RAN: variants seen among roughly 807,000 people sequenced by gnomAD.
RAN encodes the protein RAN, member RAS oncogene family, also known as GTP-binding nuclear protein Ran.
Under a neutral mutation model 26.8 loss-of-function variants are expected in RAN, and 2 were observed. That is an observed-to-expected ratio of 0.07 (90% CI 0.03 to 0.23). The LOEUF is 0.23. RAN is among the 10% of genes least tolerant of loss of function. RAN has a pLI of 1.00. For missense variants in RAN, 56 were observed against 264.8 expected, an observed-to-expected ratio of 0.21 and a Z score of 5.47; for synonymous variants, 132 against 95.9, an observed-to-expected ratio of 1.38 and a Z score of -2.20.
Position 130,875,738 on chromosome 12 carries a change from G to A in RAN, c.562G>A (p.Val188Ile), listed in dbSNP as rs201928609. ...AMPALAPPEVVMDPALAAQYE... is the reference protein window; with the variant it reads ...AMPALAPPEVIMDPALAAQYE... ...GCCTGCTCTCGCCCCACCAGAAGTT[G>A]TCATGGACCCAGCTTTGGCAGCACA... Residue 188 changes from valine (V) to isoleucine (I), a missense_variant, in exon 6 of 7, where the codon GTC becomes ATC. Transcript: ENST00000543796. The A allele has an allele frequency of 2.7e-5, 43 of 1,614,008 alleles. No homozygotes were observed. Among genetic ancestry groups the A allele is most frequent in the Non-Finnish European group, 3.2e-5 (38 of 1,180,028 alleles).
intron 4 of RAN, chr12:130,873,492 A>G (rs571256171): frequency 4.0e-6 from 1 of 249,748 alleles, no homozygotes; most frequent in East Asian, 1.0e-4. Flanking sequence ...AGAAAACAAT[A>G]AACACCAGAT....
Position 130,872,745 on chromosome 12 carries a change from A to G in RAN, c.37-91A>G, listed in dbSNP as rs1953163043. 4.4e-6 allele frequency: 7 copies of G among 1,575,786 alleles called. No homozygotes were observed. The South Asian group carries it at 6.7e-5, about 15-fold the overall frequency. On this transcript the variant is annotated intron_variant, in intron 2 of 6. Transcript: ENST00000543796. ...GCCCCGCATCCACATTCTTTGTTTT[A>G]AGTGAGCCTGTGGTGGTTAAAGTTC...
Position 130,874,006 on chromosome 12 carries a change from C to T in RAN, c.248-540C>T. The T allele has an allele frequency of 5.1e-6, 2 of 388,386 alleles. 1 individual carries two copies. The highest frequency in any genetic ancestry group is 1.0e-5 in the Non-Finnish European group (2 of 190,910). 24.1% of individuals were successfully genotyped at this position (388,386 alleles called of 1,614,324 possible). A position where few individuals can be genotyped will look rare whatever the true frequency, so the allele number is the denominator to read the frequency against. ...TGGACTATAGGCACGTGCCACTATGCCTGACTAATTTTTGTATTTTTTTGT... is the reference window on the plus strand; with the variant it reads ...TGGACTATAGGCACGTGCCACTATGTCTGACTAATTTTTGTATTTTTTTGT... On this transcript the variant is annotated intron_variant, in intron 4 of 6. Transcript: ENST00000543796.
At position 130,875,623 on chromosome 12, in the gene RAN, T is replaced by G; in HGVS notation, c.447T>G (p.Ile149Met). Reference sequence around the variant, plus strand: ...TTTCTTTTAAACAGTACTACGACATTTCTGCCAAAAGTAACTACAACTTTG... The same window carrying G: ...TTTCTTTTAAACAGTACTACGACATGTCTGCCAAAAGTAACTACAACTTTG... ...HRKKNLQYYD[I>M]SAKSNYNFEK... The change falls in exon 6 of 7, where the codon ATT (isoleucine) becomes ATG (methionine). Residue 149 changes from isoleucine (I) to methionine (M), a missense_variant. Coordinates refer to ENST00000543796, the MANE Select transcript of RAN (RefSeq NM_006325.5). 6.2e-7 allele frequency: 1 copy of G among 1,604,074 alleles called. No homozygotes were observed. The highest frequency in any genetic ancestry group is 8.5e-7 in the Non-Finnish European group (1 of 1,176,764).
At position 130,872,566 on chromosome 12, in the gene RAN, C is replaced by T. The variant is rs1003362481; in HGVS notation, c.-10-18C>T. 1.1e-5 allele frequency: 17 copies of T among 1,490,500 alleles called. No homozygotes were observed. Among genetic ancestry groups the T allele is most frequent in the African/African-American group, 4.3e-5 (3 of 70,276 alleles). The allele number at this position is 1,490,500 out of a possible 1,614,324, so 92.3% of individuals were successfully genotyped here. On this transcript the variant is annotated intron_variant, in intron 1 of 6. Transcript: ENST00000543796. ...GCGGGGCCGCGCGAGCGCTCGCCTC[C>T]GTCCTCTGCCTCCGCAGGAACGCCG...
chr12:130,876,096 T>TA lies in RAN; in HGVS notation c.*176dup. ...GGGCTTCGGAGTGAATGTGGCAGTT[T>TA]AAAAAATAACTTCATTGTTTGGACC... On this transcript the variant is annotated 3_prime_UTR_variant, in exon 7 of 7. Coordinates refer to ENST00000543796, the MANE Select transcript of RAN (RefSeq NM_006325.5). 1 of 692,748 alleles carries TA rather than the reference T, an allele frequency of 1.4e-6. No individual in the cohort carries two copies. The highest frequency in any genetic ancestry group is 2.7e-5 in the East Asian group (1 of 36,622). 42.9% of individuals were successfully genotyped at this position (692,748 alleles called of 1,614,324 possible). A position where few individuals can be genotyped will look rare whatever the true frequency, so the allele number is the denominator to read the frequency against.
chr12:130,872,666 G>T, intron 2 of RAN, 37 bp downstream of exon 2: 2 of 1,523,634 alleles, frequency 1.3e-6, no homozygotes, highest in South Asian at 2.6e-5. Flanking sequence ...GGCCGAGCCC[G>T]ACCGCGTGCG....
intron 2 of RAN, 23 bp downstream of exon 2, chr12:130,872,652 A>G: frequency 6.6e-7 from 1 of 1,521,052 alleles, no homozygotes; most frequent in Non-Finnish European, 8.8e-7. Context: ...GCGGGGCGGG[A>G]GGCGGCCGAG....
intron 3 of RAN, 41 bp from the exon 4 acceptor site, chr12:130,872,962 T>A: frequency 6.2e-7 from 1 of 1,614,140 alleles, no homozygotes; most frequent in Non-Finnish European, 8.5e-7. Flanking sequence ...ATGTGAGAAA[T>A]GGGTAAGTTC....
At chr12:130,873,488 CAAT>C (rs1208587880) in intron 4 of RAN, 6 of 248,578 alleles carry the variant, frequency 2.4e-5, no homozygotes, top group African/African-American at 4.5e-5. Flanking sequence ...TATTAGAAAA[CAAT>C]AAACACCAGA....
intron 5 of RAN, among the ~76,000 whole-genome samples, 175 bp from the exon 6 acceptor site, chr12:130,875,437 C>T (rs879468236): frequency 5.9e-5 from 9 of 151,942 alleles, no homozygotes; most frequent in South Asian, 2.1e-4. Context: ...CAGGCCTGAT[C>T]GTGTACTATT....
Position 130,875,887 on chromosome 12 carries a change from T to C in RAN, c.612T>C (p.Ala204=), listed in dbSNP as rs762431534. The C allele has an allele frequency of 1.9e-6, 3 of 1,614,208 alleles. No homozygotes were observed. The highest frequency in any genetic ancestry group is 2.2e-5 in the East Asian group (1 of 44,890). ...AAQYEHDLEV[A]QTTALPDEDD... ...TTTTCCATCTCTTCGTCTAGGTTGC[T>C]CAGACAACTGCTCTCCCGGATGAGG... The change falls in exon 7 of 7, where the codon GCT becomes GCC. Residue 204 remains alanine (A), a synonymous_variant. Transcript: ENST00000543796.
intron 4 of RAN, 47 bp from the exon 5 acceptor site, chr12:130,874,499 C>T (rs764051091): frequency 2.8e-6 from 4 of 1,430,080 alleles, no homozygotes; most frequent in Non-Finnish European, 2.9e-6. Flanking sequence ...GCATTCTTCA[C>T]TTGTGCAGTA....
At chr12:130,872,430 C>CCCG (rs1215424784) in intron 1 of RAN, 154 bp from the exon 2 acceptor site, 1 of 257,666 alleles carries the variant, frequency 3.9e-6, no homozygotes, top group African/African-American at 2.3e-5. Context: ...GCCGGCCCCG[C>CCCG]CCGCCGCCTT....
rs571636715 is a variant in RAN, at chr12:130,874,304, G to A, written c.248-242G>A. The A allele has an allele frequency of 3.2e-5, 14 of 432,066 alleles. 1 individual carries two copies. The highest frequency in any genetic ancestry group is 2.2e-4 in the African/African-American group (11 of 49,220). 26.8% of individuals were successfully genotyped at this position (432,066 alleles called of 1,614,324 possible). A position where few individuals can be genotyped will look rare whatever the true frequency, so the allele number is the denominator to read the frequency against. On this transcript the variant is annotated intron_variant, in intron 4 of 6. Coordinates refer to ENST00000543796, the MANE Select transcript of RAN (RefSeq NM_006325.5). ...TTAATTACTTCAGATACTTTTTTGG[G>A]ATGAGGGGAGTATTAATGGTGAAGT... is the stretch of plus-strand genomic sequence containing the variant.
chr12:130,872,558 C>T (rs1477072187), intron 1 of RAN, 26 bp from the exon 2 acceptor site: 19 of 1,443,314 alleles, frequency 1.3e-5, no homozygotes, highest in Non-Finnish European at 1.5e-5. Context: ...CGCGCGAGCG[C>T]TCGCCTCCGT....
chr12:130,875,468 C>A lies in RAN; in HGVS notation c.436-144C>A. On this transcript the variant is annotated intron_variant, in intron 5 of 6. Transcript: ENST00000543796. ...CTATTGGCCTCAGGCAATCCCACCT[C>A]AGCCCCCGAAAGTGCTGGGATTACA... 5 of 747,646 alleles carry A rather than the reference C, an allele frequency of 6.7e-6. No individual in the cohort carries two copies. The South Asian group carries it at 9.6e-5, about 14-fold the overall frequency. 46.3% of individuals were successfully genotyped at this position (747,646 alleles called of 1,614,324 possible).
intron 1 of RAN, 155 bp downstream of exon 1, chr12:130,872,281 G>T: frequency 6.5e-6 from 1 of 153,370 alleles, no homozygotes; most frequent in South Asian, 1.8e-4. Context: ...GCCGGGCCGG[G>T]GCAGGAGACG....
At chr12:130,875,276 C>T (rs927813591) in intron 5 of RAN, among the ~76,000 whole-genome samples, 1 of 152,012 alleles carries the variant, frequency 6.6e-6, no homozygotes, top group African/African-American at 2.4e-5. Flanking sequence ...GGCAGGAGTG[C>T]AGTGGCATGA....
Sources: allele counts gnomAD v4.1 joint callset (sites outside exome capture counted in the v4.1 genomes callset), GRCh38; gene constraint gnomAD v4.1.1; transcripts MANE v1.5; gene names NCBI Gene and HGNC (gene_info 2026-07-23, HGNC 2026-07-21).